Variants in BDNF observed in about 807,000 individuals in gnomAD.
BDNF encodes neurotrophic factor BDNF precursor form.
In BDNF, 1 loss-of-function variant was observed where a neutral mutation model predicts 19.5. The observed-to-expected ratio is 0.05, with a 90% CI of 0.02 to 0.24. The LOEUF (loss-of-function observed/expected upper bound fraction) is 0.24, where lower values mean the gene tolerates loss of function less well. BDNF is among the 10% of genes least tolerant of loss of function. BDNF has a pLI of 1.00. For synonymous variants in BDNF, 100 were observed against 121.6 expected (o/e 0.82, Z 1.17); for missense variants, 195 against 317.6 (o/e 0.61, Z 2.93).
At chr11:27,666,410 G>A (rs533219179) in intron 1 of BDNF, among the ~76,000 whole-genome samples, 3 of 152,296 alleles carry the variant, frequency 2.0e-5, no homozygotes, top group Non-Finnish European at 4.4e-5. Flanking sequence ...GAACAAAGCT[G>A]GACAGAGAAT....
chr11:27,670,072 T>C (rs933200094), intron 1 of BDNF, among the ~76,000 whole-genome samples: 11 of 152,194 alleles, frequency 7.2e-5, no homozygotes, highest in African/African-American at 2.6e-4. Flanking sequence ...TATAGACCAA[T>C]GGAACAGAAC....
At chr11:27,692,619 A>C (rs1407573547) in intron 1 of BDNF, among the ~76,000 whole-genome samples, 1 of 152,208 alleles carries the variant, frequency 6.6e-6, no homozygotes, top group Non-Finnish European at 1.5e-5. Context: ...CTGGGATTAC[A>C]GGCATGAGCC....
chr11:27,700,230 C>T lies in BDNF; in HGVS notation c.-88G>A, dbSNP rs1427769616. 2.0e-6 allele frequency: 2 copies of T among 985,630 alleles called. No homozygotes were observed. The highest frequency in any genetic ancestry group is 3.5e-5 in the African/African-American group (2 of 57,236). 61.1% of individuals were successfully genotyped at this position (985,630 alleles called of 1,614,324 possible). ...TCACATCGTGGTTCCGATTCTGGCT[C>T]CAGCGCCCAGCCCCGGTCCCCGTCG... On this transcript the variant is annotated 5_prime_UTR_variant, in exon 1 of 2. Transcript: ENST00000356660.
chr11:27,674,322 T>A lies in BDNF; in HGVS notation c.-21-15737A>T. 3 of 1,545,768 alleles carry A rather than the reference T, an allele frequency of 1.9e-6. No individual in the cohort carries two copies. The South Asian group carries it at 3.6e-5, about 19-fold the overall frequency. Reference sequence around the variant, plus strand: ...CGGGTTATTTTTGCATCCCACTCTATAATTTCTTTTAATTACTTAACTGTA... The same window carrying A: ...CGGGTTATTTTTGCATCCCACTCTAAAATTTCTTTTAATTACTTAACTGTA... On this transcript the variant is annotated intron_variant, in intron 1 of 1. Coordinates refer to ENST00000356660, the MANE Select transcript of BDNF (RefSeq NM_001709.5).
At chr11:27,691,937 A>T (rs1026064682) in intron 1 of BDNF, among the ~76,000 whole-genome samples, 4 of 152,230 alleles carry the variant, frequency 2.6e-5, no homozygotes, top group Non-Finnish European at 5.9e-5. Flanking sequence ...ACCCTAAAAA[A>T]ATATAACCTC....
chr11:27,703,721 A>T (rs1860002174), upstream of BDNF, among the ~76,000 whole-genome samples: 1 of 152,226 alleles, frequency 6.6e-6, no homozygotes, highest in Non-Finnish European at 1.5e-5. Context: ...GAGGAGTCAG[A>T]AATGTCAGGG....
At chr11:27,720,837 A>G in intron 1 of BDNF, 1 of 932,958 alleles carries the variant, frequency 1.1e-6, no homozygotes, top group Non-Finnish European at 1.3e-6. Context: ...GGCTTTGCCA[A>G]AGCCATCCTG....
chr11:27,715,683 G>C (rs946413822), intron 1 of BDNF, among the ~76,000 whole-genome samples: 2 of 152,164 alleles, frequency 1.3e-5, no homozygotes, highest in African/African-American at 4.8e-5. Context: ...AGGCAGCATG[G>C]TCTAGAGAGG....
At chr11:27,684,050 T>A (rs1335583611) in intron 1 of BDNF, among the ~76,000 whole-genome samples, 1 of 152,230 alleles carries the variant, frequency 6.6e-6, no homozygotes, top group Non-Finnish European at 1.5e-5. Context: ...TGGAATGTTC[T>A]TCCATTTGTT....
Position 27,658,574 on chromosome 11 carries a change from C to T in BDNF, c.-10G>A. 1 of 1,614,214 alleles carries T rather than the reference C, an allele frequency of 6.2e-7. No individual in the cohort carries two copies. Among genetic ancestry groups the T allele is most frequent in the Non-Finnish European group, 8.5e-7 (1 of 1,180,040 alleles). ...GGAAAAGGATGGTCATCACTCTTCT[C>T]ACCTGGTGGAACTGTAGGGAGAAAG... On this transcript the variant is annotated 5_prime_UTR_variant, in exon 2 of 2. Transcript: ENST00000356660. This position sits in a 1 kb window ranked among gnomAD's most constrained non-coding sequence, Gnocchi z 5.7.
At position 27,657,750 on chromosome 11, in the gene BDNF, A is replaced by C. The variant is rs1852762703; in HGVS notation, c.*71T>G. The C allele has an allele frequency of 6.3e-7, 1 of 1,585,062 alleles. No individual in the cohort carries two copies. The highest frequency in any genetic ancestry group is 1.4e-5 in the African/African-American group (1 of 73,276). On this transcript the variant is annotated 3_prime_UTR_variant, in exon 2 of 2. Transcript: ENST00000356660. This position sits in a 1 kb window ranked among gnomAD's most constrained non-coding sequence, Gnocchi z 5.0. ...TATTTTTTTCTTAACTGAATAATTT[A>C]CCCTGTTATGTATATATACAAATAG...
chr11:27,673,979 C>G, intron 1 of BDNF: 1 of 1,430,414 alleles, frequency 7.0e-7, no homozygotes, highest in Non-Finnish European at 9.3e-7. Flanking sequence ...AAGAATAACA[C>G]TCCTTTTCAA....
chr11:27,656,660 C>T lies in BDNF; in HGVS notation c.*1161G>A. 1 of 985,710 alleles carries T rather than the reference C, an allele frequency of 1.0e-6. No individual in the cohort carries two copies. The highest frequency in any genetic ancestry group is 1.2e-6 in the Non-Finnish European group (1 of 829,930). 61.1% of individuals were successfully genotyped at this position (985,710 alleles called of 1,614,324 possible). On this transcript the variant is annotated 3_prime_UTR_variant, in exon 2 of 2. Transcript: ENST00000356660. Reference sequence around the variant, plus strand: ...GATTCCTGTTCTGATCTAGGTGTTTCTGGGTTGATACAGGGCTCTACCTTT... The same window carrying T: ...GATTCCTGTTCTGATCTAGGTGTTTTTGGGTTGATACAGGGCTCTACCTTT...
At chr11:27,713,907 A>G (rs1860426823) in intron 1 of BDNF, among the ~76,000 whole-genome samples, 1 of 152,130 alleles carries the variant, frequency 6.6e-6, no homozygotes. Flanking sequence ...ATGTTACTAA[A>G]CTGCTGGTTT....
rs1860737087 is a variant in BDNF, at chr11:27,721,411, C to T, written c.3+1G>A. The T allele has an allele frequency of 6.2e-7, 1 of 1,614,010 alleles. No individual in the cohort carries two copies. The highest frequency in any genetic ancestry group is 8.5e-7 in the Non-Finnish European group (1 of 1,180,018). Reference sequence around the variant, plus strand: ...ATAATGCAGGTTTTATTGCTACTCACCATTGTGCCTTTGCTGTCCTGGAGA... The same window carrying T: ...ATAATGCAGGTTTTATTGCTACTCATCATTGTGCCTTTGCTGTCCTGGAGA... On this transcript the variant is annotated splice_donor_variant, in intron 1 of 1. Coordinates refer to the BDNF transcript ENST00000314915. LOFTEE classifies it high-confidence loss of function.
chr11:27,666,126 C>A (rs1215019459), intron 1 of BDNF, among the ~76,000 whole-genome samples: 1 of 150,738 alleles, frequency 6.6e-6, no homozygotes, highest in Non-Finnish European at 1.5e-5. Flanking sequence ...TGCTGTTCTG[C>A]AGCCTCTGCT....
chr11:27,657,376 A>C lies in BDNF; in HGVS notation c.*445T>G. 1 of 1,005,936 alleles carries C rather than the reference A, an allele frequency of 9.9e-7. No homozygotes were observed. The highest frequency in any genetic ancestry group is 1.2e-6 in the Non-Finnish European group (1 of 841,852). The allele number at this position is 1,005,936 out of a possible 1,614,324, so 62.3% of individuals were successfully genotyped here. A position where few individuals can be genotyped will look rare whatever the true frequency, so the allele number is the denominator to read the frequency against. ...TATCAGAAGTTAAAAGCAGTAAAAC[A>C]GATATAGTACTAACAAGAACGAAGA... On this transcript the variant is annotated 3_prime_UTR_variant, in exon 2 of 2. Transcript: ENST00000356660. The surrounding 1 kb of genome is among the most constrained non-coding windows in gnomAD (Gnocchi z 5.0).
At chr11:27,674,291 G>A (rs1855803152) in intron 1 of BDNF, 13 of 1,555,288 alleles carry the variant, frequency 8.4e-6, no homozygotes, top group Non-Finnish European at 1.1e-5. Flanking sequence ...ACATCCAGTT[G>A]TCCTTCGGGT....
chr11:27,712,989 C>G (rs1860397836), intron 1 of BDNF, among the ~76,000 whole-genome samples: 2 of 149,290 alleles, frequency 1.3e-5, no homozygotes, highest in Non-Finnish European at 3.0e-5. Context: ...CTTACTACAG[C>G]CTCTGTCTCC....
Sources: gnomAD v4.1 joint callset for allele counts (sites outside exome capture counted in the v4.1 genomes callset) on GRCh38, gnomAD v4.1.1 for gene constraint, Gnocchi (gnomAD v3.1) non-coding constraint, MANE v1.5 for transcripts, NCBI Gene and HGNC (gene_info 2026-07-23, HGNC 2026-07-21) for gene names.